The following KAZN variants were observed in gnomAD, a reference collection of about 807,000 sequenced individuals.
KAZN encodes the protein kazrin, periplakin interacting protein.
A neutral mutation model predicts 87.4 loss-of-function variants in KAZN; 40 were observed. The observed-to-expected ratio is 0.46, with a 90% CI of 0.36 to 0.60. KAZN has a LOEUF of 0.60. Ranked by LOEUF, KAZN falls within the 20% of genes least tolerant of loss-of-function variation. The pLI is 0.00. For synonymous variants in KAZN, 466 were observed against 458.3 expected (o/e 1.02, Z -0.22); for missense variants, 898 against 1,073.9 (o/e 0.84, Z 2.29).
intron 2 of KAZN, among the ~76,000 whole-genome samples, chr1:14,384,246 T>A (rs1337456897): frequency 5.3e-5 from 8 of 151,850 alleles, no homozygotes; most frequent in African/African-American, 1.9e-4. Flanking sequence ...AGATATACAA[T>A]CATGTCATCT....
rs564551031 is a variant in KAZN at position 14,246,288 on chromosome 1, T to C, written c.249+65696T>C. On this transcript the variant is annotated intron_variant, in intron 2 of 16. Coordinates refer to the KAZN transcript ENST00000636203. The stretch of plus-strand genomic sequence containing the variant: ...GACCACCATGGCACACATTTACCTA[T>C]GTGGCAAACCTGCACATCCTGAGCA... Among the ~76,000 whole-genome samples the C allele has an allele frequency of 5.3e-5, 8 of 152,224 alleles. No individual in the cohort carries two copies. The South Asian group carries it at 1.5e-3, about 28-fold the overall frequency.
intron 1 of KAZN, among the ~76,000 whole-genome samples, chr1:14,072,710 C>T (rs537775884): frequency 1.2e-4 from 18 of 152,216 alleles, no homozygotes; most frequent in African/African-American, 2.9e-4. Flanking sequence ...GTTCCAGCTG[C>T]GTGACCCATG....
chr1:14,063,715 C>A (rs895033354), intron 1 of KAZN, among the ~76,000 whole-genome samples: 1 of 151,998 alleles, frequency 6.6e-6, no homozygotes, highest in Admixed American at 6.6e-5. Flanking sequence ...TATAATAATC[C>A]CCATGTGTCA....
intron 1 of KAZN, among the ~76,000 whole-genome samples, chr1:13,909,355 C>A (rs146849195): frequency 6.6e-6 from 1 of 152,074 alleles, no homozygotes; most frequent in Non-Finnish European, 1.5e-5. Flanking sequence ...TGTAAACCTA[C>A]GAAAGGCTGT....
rs192632250 is a variant in KAZN at position 14,102,916 on chromosome 1, T to C, written c.92-77519T>C. Among the ~76,000 whole-genome samples the C allele has an allele frequency of 1.7e-3, 255 of 145,940 alleles. 1 individual carries two copies. Among genetic ancestry groups the C allele is most frequent in the Middle Eastern group, 0.01 (3 of 286 alleles). The stretch of plus-strand genomic sequence containing the variant: ...CACATTTGAATACTAATCTCTCTCT[T>C]TTTTTTTTTTTTAACGGAGTCTTGC... On this transcript the variant is annotated intron_variant, in intron 1 of 16. Transcript: ENST00000636203.
At chr1:13,950,451 CAGTGTACT>C (rs374434907) in intron 1 of KAZN, among the ~76,000 whole-genome samples, 6 of 152,196 alleles carry the variant, frequency 3.9e-5, no homozygotes, top group African/African-American at 1.4e-4. Flanking sequence ...CCCCAGCGTT[CAGTGTACT>C]GCCTGGCAAA....
intron 1 of KAZN, among the ~76,000 whole-genome samples, chr1:14,638,811 C>A (rs1680204873): frequency 6.6e-6 from 1 of 152,134 alleles, no homozygotes; most frequent in Non-Finnish European, 1.5e-5. Flanking sequence ...GACAGCAGCA[C>A]CTCCCCTCTG....
chr1:14,420,453 G>C (rs1349828541), intron 2 of KAZN, among the ~76,000 whole-genome samples: 1 of 152,208 alleles, frequency 6.6e-6, no homozygotes, highest in African/African-American at 2.4e-5. Context: ...CGGAGCCACG[G>C]GGGGAGCTGC....
At chr1:14,662,539 A>C (rs1244907000) in intron 1 of KAZN, among the ~76,000 whole-genome samples, 1 of 152,142 alleles carries the variant, frequency 6.6e-6, no homozygotes, top group East Asian at 1.9e-4. Flanking sequence ...TCCTCCCTCC[A>C]AACCATGAGT....
intron 2 of KAZN, among the ~76,000 whole-genome samples, chr1:14,278,156 G>A (rs1652537511): frequency 3.1e-5 from 4 of 128,204 alleles, no homozygotes; most frequent in Admixed American, 2.4e-4. Context: ...GGCAACAAGA[G>A]TGAAACTCTG....
chr1:14,099,333 G>T (rs1033515984), intron 1 of KAZN, among the ~76,000 whole-genome samples: 53 of 152,148 alleles, frequency 3.5e-4, no homozygotes, highest in African/African-American at 1.3e-3. Context: ...CTAAGAGATG[G>T]CTTAATTATT....
intron 2 of KAZN, among the ~76,000 whole-genome samples, chr1:14,226,620 T>C (rs1647315728): frequency 6.6e-6 from 1 of 152,190 alleles, no homozygotes; most frequent in Non-Finnish European, 1.5e-5. Context: ...ATCGCAGCAC[T>C]ATTCAGAATA....
chr1:15,080,029 A>G (rs1358256822), intron 8 of KAZN, among the ~76,000 whole-genome samples: 2 of 152,150 alleles, frequency 1.3e-5, no homozygotes. Context: ...CTGCCTAGGA[A>G]CTGAGTGCAG....
intron 1 of KAZN, among the ~76,000 whole-genome samples, chr1:13,896,327 T>C (rs746096163): frequency 5.3e-5 from 8 of 152,164 alleles, no homozygotes; most frequent in Non-Finnish European, 7.4e-5. Flanking sequence ...AAGCAAATGG[T>C]GGGCCAGGCT....
intron 1 of KAZN, among the ~76,000 whole-genome samples, chr1:14,035,716 C>T (rs1175583420): frequency 1.3e-5 from 2 of 151,116 alleles, no homozygotes; most frequent in Non-Finnish European, 2.9e-5. Flanking sequence ...CTCAGGTGAT[C>T]TGCCCGCCTC....
intron 1 of KAZN, among the ~76,000 whole-genome samples, chr1:14,871,761 T>G (rs924321755): frequency 3.3e-5 from 5 of 151,938 alleles, no homozygotes; most frequent in Admixed American, 6.6e-5. Context: ...GAAGGCATAG[T>G]ATCCTGATTG....
intron 2 of KAZN, among the ~76,000 whole-genome samples, chr1:14,495,091 T>A (rs1386007661): frequency 6.6e-6 from 1 of 152,210 alleles, no homozygotes; most frequent in African/African-American, 2.4e-5. Flanking sequence ...GATAAATATT[T>A]AAACTTGGAA....
intron 1 of KAZN, among the ~76,000 whole-genome samples, chr1:13,974,847 G>A (rs1638249349): frequency 1.3e-5 from 2 of 152,136 alleles, no homozygotes; most frequent in African/African-American, 2.4e-5. Flanking sequence ...CCAGCCAAGG[G>A]CCAACCTTGT....
chr1:14,167,613 C>T (rs965580366), intron 1 of KAZN, among the ~76,000 whole-genome samples: 14 of 152,134 alleles, frequency 9.2e-5, no homozygotes, highest in African/African-American at 3.4e-4. Flanking sequence ...ATTCCAGCTA[C>T]TAGAGAGGCT....
Sources: allele counts gnomAD v4.1 joint callset (sites outside exome capture counted in the v4.1 genomes callset), GRCh38; gene constraint gnomAD v4.1.1; transcripts MANE v1.5; gene names NCBI Gene and HGNC (gene_info 2026-07-23, HGNC 2026-07-21).